The following HIRA variants were observed in gnomAD, a reference collection of about 807,000 sequenced individuals.
The protein encoded by HIRA is protein HIRA.
A neutral mutation model predicts 126.6 loss-of-function variants in HIRA; 13 were observed. That is an observed-to-expected ratio of 0.10 (90% CI 0.07 to 0.16). The LOEUF (loss-of-function observed/expected upper bound fraction) is 0.16, where lower values mean the gene tolerates loss of function less well. Among genes scored for constraint, HIRA ranks in the 10% least tolerant of loss-of-function variants. HIRA has a pLI of 1.00. For synonymous variants in HIRA, 511 were observed against 520.0 expected (o/e 0.98, Z 0.24); for missense variants, 834 against 1,314.4 (o/e 0.63, Z 5.65).
At position 19,384,086 on chromosome 22, in the gene HIRA, G is replaced by A. The variant is rs182298913; in HGVS notation, c.1330-381C>T. On this transcript the variant is annotated intron_variant, in intron 12 of 24. Transcript: ENST00000263208. ...GTAATCCCAGCACTTTGGGGAGGCC[G>A]AGGTGGACAGATCACAAGGTCAGGA... Among the ~76,000 whole-genome samples, 300 of 152,158 alleles carry A rather than the reference G, an allele frequency of 2.0e-3. 1 individual carries two copies. Among genetic ancestry groups the A allele is most frequent in the Admixed American group, 6.0e-3 (91 of 15,278 alleles).
chr22:19,348,488 AT>A (rs2088713703), intron 24 of HIRA, among the ~76,000 whole-genome samples: 1 of 150,984 alleles, frequency 6.6e-6, no homozygotes, highest in Non-Finnish European at 1.5e-5. Flanking sequence ...AGCATGAAAA[AT>A]GATACAGCTG....
chr22:19,391,933 C>T (rs1451649979), intron 9 of HIRA, among the ~76,000 whole-genome samples, 168 bp downstream of exon 9: 1 of 152,204 alleles, frequency 6.6e-6, no homozygotes, highest in African/African-American at 2.4e-5. Flanking sequence ...TCAGCACTTC[C>T]TTCTGGGAGA....
chr22:19,400,231 G>C (rs953060808), intron 5 of HIRA, among the ~76,000 whole-genome samples: 8 of 152,134 alleles, frequency 5.3e-5, no homozygotes, highest in Non-Finnish European at 1.2e-4. Context: ...TCTGCTAGAG[G>C]TCTGGTAAAT....
At chr22:19,379,925 C>T (rs1194833720) in intron 13 of HIRA, among the ~76,000 whole-genome samples, 2 of 152,036 alleles carry the variant, frequency 1.3e-5, no homozygotes, top group African/African-American at 4.8e-5. Context: ...TTTCCTGCCT[C>T]AGCCTTCCAA....
rs973773102 is a variant in HIRA at position 19,351,117 on chromosome 22, A to C, written c.2937+241T>G. On this transcript the variant is annotated intron_variant, in intron 24 of 24. Transcript: ENST00000263208. This position sits in a 1 kb window ranked among gnomAD's most constrained non-coding sequence, Gnocchi z 4.8. The stretch of plus-strand genomic sequence containing the variant: ...AACCAAGCCCAGAGCCCCTGCAGGC[A>C]GCCTCCCTCAGCACAGGCACGTGGC... 5 of 985,108 alleles carry C rather than the reference A, an allele frequency of 5.1e-6. No homozygotes were observed. The Admixed American group carries it at 3.1e-4, about 61-fold the overall frequency. The allele number at this position is 985,108 out of a possible 1,614,324, so 61.0% of individuals were successfully genotyped here. A position where few individuals can be genotyped will look rare whatever the true frequency, so the allele number is the denominator to read the frequency against.
chr22:19,357,892 G>A (rs1008721444), intron 18 of HIRA, among the ~76,000 whole-genome samples: 10 of 152,346 alleles, frequency 6.6e-5, no homozygotes, highest in Non-Finnish European at 1.0e-4. Flanking sequence ...CTCCAAAAAG[G>A]GAGAGGCAAG....
At chr22:19,362,456 G>A (rs1051966837) in intron 15 of HIRA, among the ~76,000 whole-genome samples, 7 of 152,104 alleles carry the variant, frequency 4.6e-5, no homozygotes, top group African/African-American at 1.7e-4. Context: ...TGAAAGTAGA[G>A]TTAGGTTATA....
chr22:19,333,267 A>T (rs1556005048), intron 24 of HIRA, among the ~76,000 whole-genome samples: 1 of 152,222 alleles, frequency 6.6e-6, no homozygotes, highest in African/African-American at 2.4e-5. Context: ...CAAGAAAGAG[A>T]GAGAAAGCTT....
chr22:19,390,898 G>A (rs941617181), intron 9 of HIRA, among the ~76,000 whole-genome samples: 7 of 151,900 alleles, frequency 4.6e-5, no homozygotes, highest in South Asian at 4.2e-4. Context: ...TCAGCAACAC[G>A]TGTCAGCAAT....
chr22:19,347,705 G>A (rs529848099), intron 24 of HIRA, among the ~76,000 whole-genome samples: 1 of 152,214 alleles, frequency 6.6e-6, no homozygotes, highest in Non-Finnish European at 1.5e-5. Context: ...TCGGGAGGCT[G>A]AGGTGGGTAG....
intron 5 of HIRA, among the ~76,000 whole-genome samples, chr22:19,401,466 T>C (rs752172150): frequency 7.9e-5 from 12 of 152,200 alleles, no homozygotes; most frequent in Non-Finnish European, 1.6e-4. Flanking sequence ...CCTTGGACTC[T>C]GCTCATACCC....
chr22:19,356,161 G>A lies in HIRA; in HGVS notation c.2455+69C>T, dbSNP rs138243929. 2,208 of 1,417,678 alleles carry A rather than the reference G, an allele frequency of 1.6e-3. 31 individuals are homozygous for A. The African/African-American group carries it at 0.026, about 17-fold the overall frequency. 87.8% of individuals were successfully genotyped at this position (1,417,678 alleles called of 1,614,324 possible). On this transcript the variant is annotated intron_variant, in intron 20 of 24. Coordinates refer to ENST00000263208, the MANE Select transcript of HIRA (RefSeq NM_003325.4). Reference sequence around the variant, plus strand: ...GCCAGAGCCTGGCTCTCTGAGCGGGGCCCTTCTGCAGCATCAGACATGAAC... The same window carrying A: ...GCCAGAGCCTGGCTCTCTGAGCGGGACCCTTCTGCAGCATCAGACATGAAC...
At chr22:19,337,467 A>C (rs2088579481) in intron 24 of HIRA, among the ~76,000 whole-genome samples, 1 of 151,968 alleles carries the variant, frequency 6.6e-6, no homozygotes. Flanking sequence ...AGAAAAAATA[A>C]TTTTTTAAAA....
At chr22:19,402,070 C>T (rs942767226) in intron 5 of HIRA, among the ~76,000 whole-genome samples, 1 of 152,222 alleles carries the variant, frequency 6.6e-6, no homozygotes, top group African/African-American at 2.4e-5. Flanking sequence ...CCAGTCTTCC[C>T]TCAAATGTCA....
At chr22:19,428,832 T>C (rs1184931031) in intron 1 of HIRA, among the ~76,000 whole-genome samples, 5 of 151,990 alleles carry the variant, frequency 3.3e-5, no homozygotes, top group Admixed American at 6.6e-5. Flanking sequence ...GACATGAATA[T>C]AGAACAAGGA....
chr22:19,375,874 A>AC (rs1301723842), intron 14 of HIRA, 82 bp from the exon 15 acceptor site: 37 of 1,424,526 alleles, frequency 2.6e-5, no homozygotes, highest in Non-Finnish European at 3.6e-5. Context: ...TTTGGAGCCT[A>AC]CTAAAAAAGG....
At chr22:19,425,280 TG>T (rs1314899083) in intron 1 of HIRA, among the ~76,000 whole-genome samples, 3 of 152,254 alleles carry the variant, frequency 2.0e-5, no homozygotes, top group African/African-American at 7.2e-5. Flanking sequence ...GTGTTGTTGC[TG>T]ACTCTGGCAG....
intron 15 of HIRA, among the ~76,000 whole-genome samples, chr22:19,370,703 C>T (rs1462890540): frequency 6.6e-6 from 1 of 152,204 alleles, no homozygotes; most frequent in Admixed American, 6.5e-5. Flanking sequence ...AAGGATCCAA[C>T]CCAACCTGAG....
intron 1 of HIRA, among the ~76,000 whole-genome samples, chr22:19,425,847 C>T (rs931442482): frequency 2.0e-5 from 3 of 152,030 alleles, no homozygotes; most frequent in Non-Finnish European, 4.4e-5. Flanking sequence ...ATACCGAATA[C>T]TAAAAATACA....
Sources: allele counts gnomAD v4.1 joint callset (sites outside exome capture counted in the v4.1 genomes callset), GRCh38; gene constraint gnomAD v4.1.1; non-coding constraint Gnocchi (gnomAD v3.1); transcripts MANE v1.5; gene names NCBI Gene and HGNC (gene_info 2026-07-23, HGNC 2026-07-21).